Variants in CNTN5 observed in about 807,000 individuals in gnomAD.
CNTN5 encodes contactin 5.
CNTN5 carries 77 observed loss-of-function variants against 129.1 expected under a neutral mutation model. The observed-to-expected ratio is 0.60, with a 90% confidence interval of 0.50 to 0.72. The LOEUF (loss-of-function observed/expected upper bound fraction) is 0.72. Ranked by LOEUF, CNTN5 falls within the 30% of genes least tolerant of loss-of-function variation. CNTN5 has a pLI of 0.00. For missense variants in CNTN5, 1,478 were observed against 1,328.8 expected (o/e 1.11, Z -1.75); for synonymous variants, 509 against 465.6 (o/e 1.09, Z -1.20).
chr11:100,015,879 C>G (rs187567076), intron 9 of CNTN5, among the ~76,000 whole-genome samples: 44 of 152,070 alleles, frequency 2.9e-4, no homozygotes, highest in African/African-American at 9.9e-4. Context: ...CTTATAGTTT[C>G]TAATCTAGAA....
At chr11:100,149,190 T>C (rs1255230581) in intron 13 of CNTN5, among the ~76,000 whole-genome samples, 23 of 152,194 alleles carry the variant, frequency 1.5e-4, no homozygotes, top group Admixed American at 1.0e-3. Flanking sequence ...TCTGTTCCTC[T>C]AAACTAATTT....
intron 1 of CNTN5, among the ~76,000 whole-genome samples, chr11:99,113,958 C>T (rs1159152145): frequency 6.6e-6 from 1 of 152,170 alleles, no homozygotes; most frequent in Non-Finnish European, 1.5e-5. Context: ...ATGAATCCCA[C>T]AGCACTTGGT....
intron 1 of CNTN5, among the ~76,000 whole-genome samples, chr11:99,232,533 A>G (rs1861055322): frequency 6.6e-6 from 1 of 152,152 alleles, no homozygotes; most frequent in South Asian, 2.1e-4. Flanking sequence ...GTTGCTTGTC[A>G]TCTTAAGAAG....
intron 18 of CNTN5, among the ~76,000 whole-genome samples, chr11:100,286,402 G>A (rs1950793265): frequency 6.6e-6 from 1 of 151,642 alleles, no homozygotes; most frequent in South Asian, 2.1e-4. Context: ...CACGCAGCTG[G>A]AGATCTGAGA....
chr11:99,934,196 T>C (rs1214961106), intron 7 of CNTN5, among the ~76,000 whole-genome samples: 1 of 152,246 alleles, frequency 6.6e-6, no homozygotes, highest in East Asian at 1.9e-4. Context: ...TCTGAAGAAA[T>C]CAAATATTAG....
intron 2 of CNTN5, among the ~76,000 whole-genome samples, chr11:99,527,832 A>G (rs1947546298): frequency 6.6e-6 from 1 of 152,164 alleles, no homozygotes; most frequent in African/African-American, 2.4e-5. Context: ...TCTGCATCAA[A>G]CAAGAGTTGC....
intron 20 of CNTN5, among the ~76,000 whole-genome samples, chr11:100,305,126 T>C (rs1459903282): frequency 6.6e-6 from 1 of 151,580 alleles, no homozygotes; most frequent in Admixed American, 6.6e-5. Flanking sequence ...TCTTTCTTTA[T>C]GCCAATTTAA....
chr11:99,163,328 C>A (rs925803237), intron 1 of CNTN5, among the ~76,000 whole-genome samples: 2 of 151,742 alleles, frequency 1.3e-5, no homozygotes, highest in African/African-American at 4.8e-5. Context: ...TTTTCTAAGG[C>A]CTTAACAAAG....
chr11:99,989,760 G>T (rs1371803270), intron 8 of CNTN5, among the ~76,000 whole-genome samples: 3 of 151,882 alleles, frequency 2.0e-5, no homozygotes, highest in Non-Finnish European at 4.4e-5. Context: ...TTAAAAGTTT[G>T]CTCTATCTTT....
At chr11:99,716,193 C>T (rs1438213177) in intron 3 of CNTN5, among the ~76,000 whole-genome samples, 1 of 151,836 alleles carries the variant, frequency 6.6e-6, no homozygotes, top group Admixed American at 6.6e-5. Context: ...TATCGTGTAT[C>T]CCTTTGAACC....
intron 1 of CNTN5, among the ~76,000 whole-genome samples, chr11:99,062,344 T>C (rs963033428): frequency 6.6e-6 from 1 of 152,130 alleles, no homozygotes; most frequent in Non-Finnish European, 1.5e-5. Flanking sequence ...GTCTTTTAGA[T>C]ATAGCGGCCT....
At chr11:100,316,436 G>T (rs916110868) in intron 21 of CNTN5, among the ~76,000 whole-genome samples, 1 of 152,074 alleles carries the variant, frequency 6.6e-6, no homozygotes, top group Non-Finnish European at 1.5e-5. Context: ...AAAGAAATAC[G>T]TTGGAACAAT....
At position 99,483,278 on chromosome 11, in the gene CNTN5, C is replaced by T. The variant is rs1472980187; in HGVS notation, c.-70-72867C>T. 2.7e-5 allele frequency among the ~76,000 whole-genome samples: 4 copies of T among 150,706 alleles called. No individual in the cohort carries two copies. The East Asian group carries it at 7.8e-4, about 30-fold the overall frequency. On this transcript the variant is annotated intron_variant, in intron 2 of 24. Coordinates refer to ENST00000524871, the MANE Select transcript of CNTN5 (RefSeq NM_014361.4). ...GCTGGCAACTTGAGAAATTCAAGCA[C>T]ACAGTTTGACCTTTGACTTGGGGTT... is the stretch of plus-strand genomic sequence containing the variant.
At chr11:99,141,797 A>T (rs1002421153) in intron 1 of CNTN5, among the ~76,000 whole-genome samples, 2 of 152,100 alleles carry the variant, frequency 1.3e-5, no homozygotes, top group Non-Finnish European at 2.9e-5. Context: ...CATGTAATTG[A>T]ATGGTTTTGA....
chr11:100,027,850 T>G (rs1941505738), intron 9 of CNTN5, among the ~76,000 whole-genome samples: 1 of 152,224 alleles, frequency 6.6e-6, no homozygotes, highest in Non-Finnish European at 1.5e-5. Flanking sequence ...AGGATTACTG[T>G]CCTTTATATG....
intron 1 of CNTN5, among the ~76,000 whole-genome samples, chr11:99,070,837 G>T (rs1303936247): frequency 6.6e-6 from 1 of 151,846 alleles, no homozygotes; most frequent in East Asian, 1.9e-4. Context: ...AAAAGAAGTT[G>T]CTCTAATAGA....
chr11:100,099,794 G>A (rs184469386), intron 13 of CNTN5, among the ~76,000 whole-genome samples: 19 of 151,674 alleles, frequency 1.3e-4, no homozygotes, highest in East Asian at 5.8e-4. Flanking sequence ...TATTTTGATC[G>A]CCATACTTAG....
intron 2 of CNTN5, among the ~76,000 whole-genome samples, chr11:99,339,454 T>C (rs1866408497): frequency 6.6e-6 from 1 of 151,998 alleles, no homozygotes; most frequent in Non-Finnish European, 1.5e-5. Flanking sequence ...GTCATGTGGA[T>C]TTTTTGGTGA....
chr11:99,415,827 A>G (rs1404465472), intron 2 of CNTN5, among the ~76,000 whole-genome samples: 1 of 152,198 alleles, frequency 6.6e-6, no homozygotes. Context: ...TCAACACTTT[A>G]GAATGGTAGA....
Sources: gnomAD v4.1 joint callset for allele counts (sites outside exome capture counted in the v4.1 genomes callset) on GRCh38, gnomAD v4.1.1 for gene constraint, MANE v1.5 for transcripts, NCBI Gene and HGNC (gene_info 2026-07-23, HGNC 2026-07-21) for gene names.